Variants in NEGR1 observed in about 807,000 individuals in gnomAD.
NEGR1 encodes the protein IgLON family member 4.
NEGR1 carries 10 observed loss-of-function variants against 40.9 expected under a neutral mutation model. That is an observed-to-expected ratio of 0.24 (90% CI 0.15 to 0.42). The LOEUF (loss-of-function observed/expected upper bound fraction) is 0.42, where lower values mean the gene tolerates loss of function less well. Among genes scored for constraint, NEGR1 ranks in the 10% least tolerant of loss-of-function variants. The probability of loss-of-function intolerance (pLI) is 1.00; values close to 1 mark genes in which losing one functional copy is unlikely to be tolerated. For synonymous variants in NEGR1, 185 were observed against 166.8 expected (o/e 1.11, Z -0.84); for missense variants, 352 against 438.9 (o/e 0.80, Z 1.77).
chr1:72,253,155 G>A (rs542693548), intron 1 of NEGR1, among the ~76,000 whole-genome samples: 4 of 152,044 alleles, frequency 2.6e-5, no homozygotes, highest in Non-Finnish European at 5.9e-5. Context: ...TGGACAGAGG[G>A]TTTTTTTAAG....
At chr1:71,554,973 CT>C (rs1202571618) in intron 6 of NEGR1, among the ~76,000 whole-genome samples, 5 of 151,540 alleles carry the variant, frequency 3.3e-5, no homozygotes, top group Non-Finnish European at 5.9e-5. Flanking sequence ...AACGGTCTTA[CT>C]TTTTTTCCAT....
chr1:71,464,396 C>T (rs1306021845), intron 6 of NEGR1, among the ~76,000 whole-genome samples: 2 of 128,526 alleles, frequency 1.6e-5, no homozygotes, highest in Non-Finnish European at 3.3e-5. Context: ...GTAAAGATAA[C>T]TAGAGAACAT....
chr1:71,922,786 T>C (rs1645732763), intron 2 of NEGR1, among the ~76,000 whole-genome samples: 1 of 152,182 alleles, frequency 6.6e-6, no homozygotes, highest in African/African-American at 2.4e-5. Flanking sequence ...TATCTAATTG[T>C]TTTTTAGATT....
chr1:71,699,551 A>G (rs1653610176), intron 3 of NEGR1, among the ~76,000 whole-genome samples: 2 of 151,944 alleles, frequency 1.3e-5, no homozygotes, highest in South Asian at 2.1e-4. Context: ...TGAAATATAT[A>G]TTAAAAAAAC....
intron 6 of NEGR1, among the ~76,000 whole-genome samples, chr1:71,556,699 C>A (rs1022680615): frequency 6.0e-5 from 9 of 150,748 alleles, no homozygotes; most frequent in Non-Finnish European, 4.4e-5. Context: ...ACTCACACTG[C>A]CACACTCAGA....
intron 1 of NEGR1, among the ~76,000 whole-genome samples, chr1:72,039,645 TC>T (rs1246615284): frequency 6.6e-6 from 1 of 151,900 alleles, no homozygotes; most frequent in African/African-American, 2.4e-5. Flanking sequence ...CTATGCAGAA[TC>T]CCTGATGAAC....
At chr1:72,007,959 G>T (rs1041628684) in intron 1 of NEGR1, among the ~76,000 whole-genome samples, 13 of 152,206 alleles carry the variant, frequency 8.5e-5, no homozygotes, top group African/African-American at 3.1e-4. Flanking sequence ...TTTTAACTAT[G>T]AAGAAGTATT....
At position 71,398,548 on chromosome 1, in the gene NEGR1, T is replaced by A. The variant is rs765777209; in HGVS notation, c.*8898A>T. 1 of 152,260 alleles carries A rather than the reference T, an allele frequency of 6.6e-6. No individual in the cohort carries two copies. Among genetic ancestry groups the A allele is most frequent in the East Asian group, 1.9e-4 (1 of 5,172 alleles). 9.4% of individuals were successfully genotyped at this position (152,260 alleles called of 1,614,324 possible). A position where few individuals can be genotyped will look rare whatever the true frequency, so the allele number is the denominator to read the frequency against. Reference sequence around the variant, plus strand: ...ACCCAATGCCTGTACTTCCATTGCATCTAGGAAGTAACTAACTTGCTTTTG... The same window carrying A: ...ACCCAATGCCTGTACTTCCATTGCAACTAGGAAGTAACTAACTTGCTTTTG... On this transcript the variant is annotated 3_prime_UTR_variant, in exon 7 of 7. Transcript: ENST00000357731.
chr1:71,541,586 A>G (rs1423684864), intron 6 of NEGR1, among the ~76,000 whole-genome samples: 1 of 151,828 alleles, frequency 6.6e-6, no homozygotes, highest in Admixed American at 6.6e-5. Context: ...TATAGGCATT[A>G]AATGAAGTTT....
intron 1 of NEGR1, among the ~76,000 whole-genome samples, chr1:71,955,937 T>C (rs558749900): frequency 1.3e-5 from 2 of 152,306 alleles, no homozygotes; most frequent in Non-Finnish European, 1.5e-5. Flanking sequence ...ACATTGTCTA[T>C]ATAAAACATT....
chr1:71,590,895 G>T (rs376039673), intron 6 of NEGR1, among the ~76,000 whole-genome samples: 1 of 151,940 alleles, frequency 6.6e-6, no homozygotes, highest in East Asian at 1.9e-4. Context: ...ATTCACTAAA[G>T]ATTTACTCCT....
At chr1:71,898,859 T>C (rs889735686) in intron 2 of NEGR1, among the ~76,000 whole-genome samples, 21 of 144,332 alleles carry the variant, frequency 1.5e-4, no homozygotes, top group Non-Finnish European at 1.4e-4. Context: ...ATATATAATA[T>C]ATTGCAAATA....
chr1:71,564,726 G>C (rs540391706), intron 6 of NEGR1, among the ~76,000 whole-genome samples: 3 of 151,590 alleles, frequency 2.0e-5, no homozygotes, highest in African/African-American at 7.2e-5. Context: ...AATTGTCAAA[G>C]CAACTAGTAT....
chr1:71,625,773 G>C, intron 4 of NEGR1, among the ~76,000 whole-genome samples: 1 of 151,836 alleles, frequency 6.6e-6, no homozygotes, highest in Non-Finnish European at 1.5e-5. Flanking sequence ...TGGACATATC[G>C]TGTGCCTCTA....
intron 1 of NEGR1, among the ~76,000 whole-genome samples, chr1:72,143,186 A>T (rs1650752609): frequency 6.6e-6 from 1 of 152,010 alleles, no homozygotes; most frequent in Non-Finnish European, 1.5e-5. Flanking sequence ...TCCTGCTCCC[A>T]TTCTAAATTA....
At chr1:71,980,636 T>C (rs1646346559) in intron 1 of NEGR1, among the ~76,000 whole-genome samples, 1 of 152,094 alleles carries the variant, frequency 6.6e-6, no homozygotes, top group Admixed American at 6.6e-5. Context: ...CTTCTTCTCA[T>C]CTACAAAATG....
chr1:71,773,580 C>T (rs1656402573), intron 3 of NEGR1, among the ~76,000 whole-genome samples: 2 of 151,934 alleles, frequency 1.3e-5, no homozygotes, highest in African/African-American at 2.4e-5. Context: ...AGCAGGAACT[C>T]CAGCGTTGTG....
intron 1 of NEGR1, among the ~76,000 whole-genome samples, chr1:72,135,480 A>G (rs1650429513): frequency 6.7e-6 from 1 of 150,116 alleles, no homozygotes; most frequent in South Asian, 2.1e-4. Context: ...TAGGGACTGA[A>G]GGACAGTGAT....
chr1:71,541,982 A>T (rs1299497053), intron 6 of NEGR1, among the ~76,000 whole-genome samples: 1 of 151,804 alleles, frequency 6.6e-6, no homozygotes, highest in African/African-American at 2.4e-5. Flanking sequence ...AGTGCTGTTG[A>T]TACAAGAGTG....
Sources: allele counts gnomAD v4.1 joint callset (sites outside exome capture counted in the v4.1 genomes callset), GRCh38; gene constraint gnomAD v4.1.1; transcripts MANE v1.5; gene names NCBI Gene and HGNC (gene_info 2026-07-23, HGNC 2026-07-21).